The following LRP1B variants were observed in gnomAD, a reference collection of about 807,000 sequenced individuals.
LRP1B encodes LDL receptor related protein 1B.
Under a neutral mutation model 556.6 loss-of-function variants are expected in LRP1B, and 217 were observed. The ratio of observed to expected loss-of-function variants is 0.39; its 90% CI spans 0.35 to 0.44. LRP1B has a LOEUF of 0.44. Among genes scored for constraint, LRP1B ranks in the 20% least tolerant of loss-of-function variants. The pLI, the probability that LRP1B is intolerant of heterozygous loss-of-function variation, is 1.00. For synonymous variants in LRP1B, 2,047 were observed against 1,865.8 expected (o/e 1.10, Z -2.50); for missense variants, 5,053 against 5,620.8 (o/e 0.90, Z 3.23).
At chr2:141,251,219 G>A (rs78818515) in intron 4 of LRP1B, among the ~76,000 whole-genome samples, 104 of 152,208 alleles carry the variant, frequency 6.8e-4, no homozygotes, top group African/African-American at 2.2e-3. Flanking sequence ...ATGCTGAGAA[G>A]CCTCTAACAG....
At chr2:141,314,821 T>C (rs1425604675) in intron 3 of LRP1B, among the ~76,000 whole-genome samples, 4 of 132,430 alleles carry the variant, frequency 3.0e-5, no homozygotes, top group African/African-American at 1.1e-4. Context: ...TATATATATA[T>C]ATATATGTGT....
chr2:140,440,029 C>A (rs1395706704), intron 66 of LRP1B, among the ~76,000 whole-genome samples: 7 of 151,866 alleles, frequency 4.6e-5, no homozygotes, highest in Admixed American at 3.9e-4. Context: ...TAAATAAAAA[C>A]AGAACAAATT....
intron 7 of LRP1B, among the ~76,000 whole-genome samples, chr2:141,137,742 T>C (rs898923965): frequency 6.6e-6 from 1 of 151,984 alleles, no homozygotes; most frequent in African/African-American, 2.4e-5. Flanking sequence ...GGGGCAATGT[T>C]GGTATTTGAA....
intron 2 of LRP1B, among the ~76,000 whole-genome samples, chr2:141,731,028 G>A (rs755767459): frequency 6.6e-6 from 1 of 152,178 alleles, no homozygotes; most frequent in Non-Finnish European, 1.5e-5. Context: ...CCAACGGGGG[G>A]TGTGGGGAGA....
At chr2:140,330,199 C>T (rs1312416039) in intron 79 of LRP1B, among the ~76,000 whole-genome samples, 9 of 137,978 alleles carry the variant, frequency 6.5e-5, no homozygotes, top group Non-Finnish European at 1.4e-4. Context: ...GACTCTGTCT[C>T]AATAATAATA....
At position 141,051,427 on chromosome 2, in the gene LRP1B, C is replaced by T. The variant is rs912679502; in HGVS notation, c.1553-2205G>A. Among the ~76,000 whole-genome samples, 11 of 152,022 alleles carry T rather than the reference C, an allele frequency of 7.2e-5. No homozygotes were observed. The East Asian group carries it at 1.4e-3, about 19-fold the overall frequency. On this transcript the variant is annotated intron_variant, in intron 10 of 90. Transcript: ENST00000389484. ...TAAAGAAAATGTGGAACATATACGCCGTGGAATACTATGCAGCCATAAAAA... is the reference window on the plus strand; with the variant it reads ...TAAAGAAAATGTGGAACATATACGCTGTGGAATACTATGCAGCCATAAAAA...
At chr2:141,249,626 GAA>G (rs1278170886) in intron 4 of LRP1B, among the ~76,000 whole-genome samples, 6 of 151,566 alleles carry the variant, frequency 4.0e-5, no homozygotes, top group African/African-American at 1.5e-4. Flanking sequence ...AAAACAGAAA[GAA>G]AGAAAGAAAG....
chr2:140,415,198 A>G (rs1312327080), intron 66 of LRP1B, among the ~76,000 whole-genome samples: 1 of 151,850 alleles, frequency 6.6e-6, no homozygotes, highest in East Asian at 1.9e-4. Context: ...TATCAAGACA[A>G]TACTTGCACT....
At chr2:141,544,741 C>T (rs950605030) in intron 2 of LRP1B, among the ~76,000 whole-genome samples, 2 of 151,948 alleles carry the variant, frequency 1.3e-5, no homozygotes, top group African/African-American at 2.4e-5. Context: ...TCATAGCTCA[C>T]TGCAGTTTTG....
intron 1 of LRP1B, among the ~76,000 whole-genome samples, chr2:141,969,434 C>T (rs1701661108): frequency 6.6e-6 from 1 of 151,562 alleles, no homozygotes; most frequent in Non-Finnish European, 1.5e-5. Flanking sequence ...TCCCGCCACC[C>T]TCTTGTAACC....
intron 43 of LRP1B, among the ~76,000 whole-genome samples, chr2:140,589,948 A>T (rs1682149164): frequency 6.6e-6 from 1 of 152,094 alleles, no homozygotes; most frequent in South Asian, 2.1e-4. Flanking sequence ...ATAAGTGTCT[A>T]TACCCTGGTT....
At chr2:140,495,879 T>C in intron 55 of LRP1B, 131 bp from the exon 56 acceptor site, 1 of 664,088 alleles carries the variant, frequency 1.5e-6, no homozygotes, top group Admixed American at 2.7e-5. Context: ...TCTCCCAGCA[T>C]TTGACCTTTG....
intron 7 of LRP1B, among the ~76,000 whole-genome samples, chr2:141,088,400 T>G (rs1264166891): frequency 6.6e-6 from 1 of 152,124 alleles, no homozygotes; most frequent in Non-Finnish European, 1.5e-5. Flanking sequence ...AAAAGTGAAA[T>G]AAAAACTTAA....
chr2:141,361,500 G>A (rs973057997), intron 3 of LRP1B, among the ~76,000 whole-genome samples: 5 of 152,072 alleles, frequency 3.3e-5, no homozygotes, highest in African/African-American at 1.2e-4. Context: ...AAAAAAATAT[G>A]TTGTGTGAAA....
intron 3 of LRP1B, among the ~76,000 whole-genome samples, chr2:141,258,589 G>T (rs1684571080): frequency 1.3e-5 from 2 of 152,152 alleles, no homozygotes; most frequent in Admixed American, 1.3e-4. Flanking sequence ...ATCTTTTTAT[G>T]ACCTTGATAT....
chr2:140,327,962 GC>G (rs1190803252), intron 79 of LRP1B, among the ~76,000 whole-genome samples: 1 of 151,758 alleles, frequency 6.6e-6, no homozygotes, highest in African/African-American at 2.4e-5. Context: ...TTTCTATTAA[GC>G]CCTTTAATAA....
At chr2:141,521,602 T>C (rs1046654798) in intron 2 of LRP1B, among the ~76,000 whole-genome samples, 25 of 152,050 alleles carry the variant, frequency 1.6e-4, no homozygotes, top group Admixed American at 9.2e-4. Context: ...GATATATATA[T>C]ATAAAACAAT....
At chr2:141,815,883 G>A (rs138118167) in intron 1 of LRP1B, among the ~76,000 whole-genome samples, 105 of 151,642 alleles carry the variant, frequency 6.9e-4, no homozygotes, top group African/African-American at 2.4e-3. Flanking sequence ...CAGCGAGACC[G>A]TGAACCCACC....
chr2:141,629,869 C>T (rs1688845435), intron 2 of LRP1B, among the ~76,000 whole-genome samples: 1 of 151,966 alleles, frequency 6.6e-6, no homozygotes, highest in Non-Finnish European at 1.5e-5. Flanking sequence ...AGATACCCAG[C>T]CAACTATTTG....
Sources: gnomAD v4.1 joint callset for allele counts (sites outside exome capture counted in the v4.1 genomes callset) on GRCh38, gnomAD v4.1.1 for gene constraint, MANE v1.5 for transcripts, NCBI Gene and HGNC (gene_info 2026-07-23, HGNC 2026-07-21) for gene names.